CPNE2: variants seen among roughly 807,000 people sequenced by gnomAD.
CPNE2 encodes the protein copine-2.
In CPNE2, 42 loss-of-function variants were observed where a neutral mutation model predicts 69.7. That is an observed-to-expected ratio of 0.60 (90% CI 0.47 to 0.78). The LOEUF (loss-of-function observed/expected upper bound fraction) is 0.78, where lower values mean the gene tolerates loss of function less well. Among genes scored for constraint, CPNE2 ranks in the 30% least tolerant of loss-of-function variants. The pLI, the probability that CPNE2 is intolerant of heterozygous loss-of-function variation, is 0.00. For synonymous variants in CPNE2, 294 were observed against 289.8 expected (o/e 1.01, Z -0.15); for missense variants, 587 against 732.0 (o/e 0.80, Z 2.29).
rs1171678618 is a variant in CPNE2, at chr16:57,113,467, G to A, written c.360G>A (p.Thr120=). 4.3e-6 allele frequency: 7 copies of A among 1,612,988 alleles called. No individual in the cohort carries two copies. In the African/African-American group the frequency reaches 8.0e-5, roughly 18 times the overall value. ...FLGQFSCSLG[T]IVSSKKITRP... ...GCCAGTTCTCCTGCAGCCTGGGCAC[G>A]GTGAGCTGGGCCCTCCTGGGTGGGA... is the stretch of plus-strand genomic sequence containing the variant. The change falls in exon 3 of 16, where the codon ACG becomes ACA. Residue 120 remains threonine, a splice_region_variant and synonymous_variant. Transcript: ENST00000290776.
chr16:57,133,249 C>T (rs1179943132), intron 12 of CPNE2, among the ~76,000 whole-genome samples: 1 of 152,138 alleles, frequency 6.6e-6, no homozygotes, highest in African/African-American at 2.4e-5. Context: ...AGAGGGACAC[C>T]AGGGGACTGG....
At position 57,110,780 on chromosome 16, in the gene CPNE2, G is replaced by T; in HGVS notation, c.38G>T (p.Gly13Val). 1 of 1,613,378 alleles carries T rather than the reference G, an allele frequency of 6.2e-7. No homozygotes were observed. The highest frequency in any genetic ancestry group is 8.5e-7 in the Non-Finnish European group (1 of 1,179,686). ...HIPSGGAPAA[G>V]AAPMGPQYCV... ...CCCAGTGGGGGTGCCCCAGCAGCGG[G>T]GGCAGCCCCCATGGGCCCCCAGTAT... The change falls in exon 2 of 16, where the codon GGG becomes GTG. Residue 13 changes from glycine (G) to valine (V), a missense_variant. By Grantham distance (109) the Gly-to-Val change is moderately radical. Transcript: ENST00000290776.
intron 12 of CPNE2, among the ~76,000 whole-genome samples, chr16:57,131,760 C>T (rs1227976941): frequency 2.0e-5 from 3 of 152,226 alleles, no homozygotes; most frequent in South Asian, 2.1e-4. Context: ...CATTCTGACT[C>T]GCCTCACTCC....
At chr16:57,122,059 G>T (rs570143465) in intron 9 of CPNE2, among the ~76,000 whole-genome samples, 98 of 152,376 alleles carry the variant, frequency 6.4e-4, no homozygotes, top group African/African-American at 2.2e-3. Flanking sequence ...AATTGTCATT[G>T]CGAGTTGCTG....
At chr16:57,138,584 G>T (rs1478906070) in intron 14 of CPNE2, among the ~76,000 whole-genome samples, 1 of 151,904 alleles carries the variant, frequency 6.6e-6, no homozygotes, top group Non-Finnish European at 1.5e-5. Flanking sequence ...CTGTTCCCCC[G>T]CAGGTCCTTC....
intron 14 of CPNE2, chr16:57,141,236 GC>G (rs1229482371): frequency 1.3e-5 from 2 of 152,396 alleles, no homozygotes; most frequent in Non-Finnish European, 2.9e-5. Context: ...CCCAGGAAAG[GC>G]CAGGAAGGGC....
chr16:57,118,594 A>T (rs1244237172), intron 5 of CPNE2, among the ~76,000 whole-genome samples: 5 of 151,872 alleles, frequency 3.3e-5, no homozygotes, highest in Non-Finnish European at 5.9e-5. Flanking sequence ...AAGCAGGAGG[A>T]TCACTTGAGG....
intron 14 of CPNE2, among the ~76,000 whole-genome samples, chr16:57,139,094 T>C (rs1267186731): frequency 1.3e-5 from 2 of 152,238 alleles, no homozygotes; most frequent in African/African-American, 4.8e-5. Context: ...ACTTTTATTA[T>C]TTCTCAAATC....
chr16:57,104,597 C>A (rs2069636879), intron 1 of CPNE2, among the ~76,000 whole-genome samples: 1 of 152,176 alleles, frequency 6.6e-6, no homozygotes, highest in Non-Finnish European at 1.5e-5. Flanking sequence ...TAGGTGCTCA[C>A]ATATGCAGAT....
chr16:57,103,291 AT>A (rs1189964160), intron 1 of CPNE2, among the ~76,000 whole-genome samples: 1 of 151,332 alleles, frequency 6.6e-6, no homozygotes, highest in African/African-American at 2.4e-5. Flanking sequence ...TAATTTTTTT[AT>A]TTTTTATTTT....
chr16:57,112,432 C>T (rs566898614), intron 2 of CPNE2, among the ~76,000 whole-genome samples: 1 of 151,934 alleles, frequency 6.6e-6, no homozygotes, highest in Non-Finnish European at 1.5e-5. Context: ...TCCCTGACAA[C>T]CTCTGCCCCC....
intron 5 of CPNE2, among the ~76,000 whole-genome samples, chr16:57,118,692 A>ATGGATGGATG (rs1555546470): frequency 1.1e-4 from 6 of 54,458 alleles, no homozygotes; most frequent in African/African-American, 2.8e-4. Flanking sequence ...ATGGATGGAT[A>ATGGATGGATG]GATAGATAGA....
At chr16:57,110,550 C>T (rs2069674167) in intron 1 of CPNE2, 158 bp from the exon 2 acceptor site, 1 of 445,890 alleles carries the variant, frequency 2.2e-6, no homozygotes, top group Non-Finnish European at 4.0e-6. Flanking sequence ...TTGCATTCTT[C>T]TTTCTTCAAA....
intron 1 of CPNE2, among the ~76,000 whole-genome samples, chr16:57,103,745 G>C (rs1301034513): frequency 6.6e-6 from 1 of 152,206 alleles, no homozygotes; most frequent in African/African-American, 2.4e-5. Flanking sequence ...CCGACAGTGA[G>C]CTCCTTTACA....
chr16:57,134,704 G>C (rs182056331), intron 12 of CPNE2, 71 bp from the exon 13 acceptor site: 1 of 1,557,350 alleles, frequency 6.4e-7, no homozygotes, highest in African/African-American at 1.4e-5. Context: ...CCTTGGCCTG[G>C]CAGTGGGTGG....
rs1259052486 is a variant in CPNE2, at chr16:57,130,167, TGAG to T, written c.1116+2268_1116+2270del. The stretch of plus-strand genomic sequence containing the variant: ...AGGCTGAGGAGGGTGGATCACAAGG[TGAG>T]GAGTTCGAGACCAGCCTGGCCAACA... On this transcript the variant is annotated intron_variant, in intron 12 of 15. Transcript: ENST00000290776. The surrounding 1 kb of genome is among the most constrained non-coding windows in gnomAD (Gnocchi z 4.1). 7.9e-5 allele frequency among the ~76,000 whole-genome samples: 12 copies of T among 151,552 alleles called. No homozygotes were observed. Among genetic ancestry groups the T allele is most frequent in the Non-Finnish European group, 1.8e-4 (12 of 67,888 alleles).
chr16:57,138,565 C>G (rs1408786889), intron 14 of CPNE2, among the ~76,000 whole-genome samples: 2 of 152,162 alleles, frequency 1.3e-5, no homozygotes, highest in Non-Finnish European at 2.9e-5. Flanking sequence ...GTTCCTCGAG[C>G]ACTCCTAGCT....
chr16:57,110,594 T>C (rs1037377439), intron 1 of CPNE2, 114 bp from the exon 2 acceptor site: 12 of 567,106 alleles, frequency 2.1e-5, no homozygotes, highest in African/African-American at 9.7e-5. Flanking sequence ...CCCGCCTCAA[T>C]TTGCCTTCCA....
chr16:57,132,034 G>A (rs2069842078), intron 12 of CPNE2, among the ~76,000 whole-genome samples: 1 of 152,170 alleles, frequency 6.6e-6, no homozygotes, highest in South Asian at 2.1e-4. Context: ...CCAGCACCTG[G>A]CCTGCAGTGT....
Sources: gnomAD v4.1 joint callset for allele counts (sites outside exome capture counted in the v4.1 genomes callset) on GRCh38, gnomAD v4.1.1 for gene constraint, Gnocchi (gnomAD v3.1) non-coding constraint, MANE v1.5 for transcripts, NCBI Gene and HGNC (gene_info 2026-07-23, HGNC 2026-07-21) for gene names.